RAD51B: variants seen among roughly 807,000 people sequenced by gnomAD.
RAD51B encodes RAD51 paralog B, also known as DNA repair protein RAD51 homolog 2.
RAD51B carries 38 observed loss-of-function variants against 42.2 expected under a neutral mutation model. The ratio of observed to expected loss-of-function variants is 0.90; its 90% CI spans 0.70 to 1.18. The LOEUF (loss-of-function observed/expected upper bound fraction) is 1.18, where lower values mean the gene tolerates loss of function less well. Among genes scored for constraint, RAD51B ranks in the 50% most tolerant of loss-of-function variants. The probability of loss-of-function intolerance (pLI) is 0.00; values close to 1 mark genes in which losing one functional copy is unlikely to be tolerated. For synonymous variants in RAD51B, 154 were observed against 145.2 expected (o/e 1.06, Z -0.43); for missense variants, 373 against 400.7 (o/e 0.93, Z 0.59).
chr14:68,524,185 C>T (rs1886774885), intron 10 of RAD51B, among the ~76,000 whole-genome samples: 1 of 152,152 alleles, frequency 6.6e-6, no homozygotes, highest in South Asian at 2.1e-4. Flanking sequence ...TTCCCAAGGG[C>T]ACACATGGCA....
At position 68,461,750 on chromosome 14, in the gene RAD51B, G is replaced by C. The variant is rs748887425; in HGVS notation, c.958-6422G>C. Among the ~76,000 whole-genome samples the C allele has an allele frequency of 1.7e-4, 26 of 152,216 alleles. 1 individual carries two copies. Among genetic ancestry groups the C allele is most frequent in the Admixed American group, 4.6e-4 (7 of 15,282 alleles). On this transcript the variant is annotated intron_variant, in intron 9 of 10. Coordinates refer to ENST00000471583, the MANE Select transcript of RAD51B (RefSeq NM_133510.4). ...TTTACCAGCCCTCACTTTAGGGGTA[G>C]AGATAATTAGCTGACAGCTTATTTA...
At chr14:68,523,404 T>A (rs1049913430) in intron 10 of RAD51B, among the ~76,000 whole-genome samples, 13 of 152,218 alleles carry the variant, frequency 8.5e-5, no homozygotes, top group Non-Finnish European at 1.3e-4. Flanking sequence ...CTGTTCGTGA[T>A]GTCTGGGGTG....
At chr14:68,510,027 G>C (rs890446237) in intron 10 of RAD51B, among the ~76,000 whole-genome samples, 4 of 152,144 alleles carry the variant, frequency 2.6e-5, no homozygotes, top group Admixed American at 2.6e-4. Context: ...TTGCCACTGA[G>C]TCACAGCTGC....
intron 9 of RAD51B, 42 bp from the exon 10 acceptor site, chr14:68,468,130 T>C (rs200800483): frequency 7.0e-6 from 11 of 1,565,852 alleles, no homozygotes; most frequent in Admixed American, 6.7e-5. Context: ...GGCCCATCCC[T>C]GATCCTTTGA....
intron 9 of RAD51B, among the ~76,000 whole-genome samples, chr14:68,463,140 A>G (rs1465362660): frequency 1.3e-5 from 2 of 152,206 alleles, no homozygotes; most frequent in Non-Finnish European, 2.9e-5. Context: ...GAACATCTGA[A>G]CCAGCACAGC....
chr14:67,848,263 T>C (rs959367776), intron 4 of RAD51B, among the ~76,000 whole-genome samples: 49 of 152,340 alleles, frequency 3.2e-4, no homozygotes, highest in Middle Eastern at 3.4e-3. Context: ...ATGATCTCCC[T>C]GCTTTGGCCT....
chr14:68,338,668 TGAAG>T, intron 8 of RAD51B: 1 of 283,364 alleles, frequency 3.5e-6, no homozygotes, highest in Non-Finnish European at 6.9e-6. Context: ...TTTTCTTTTT[TGAAG>T]GAAATTTTGT....
At chr14:67,839,718 AT>A (rs1297508865) in intron 4 of RAD51B, among the ~76,000 whole-genome samples, 2 of 151,190 alleles carry the variant, frequency 1.3e-5, no homozygotes, top group East Asian at 1.9e-4. Flanking sequence ...CTTTTATTTA[AT>A]TTTTTTGTGG....
chr14:68,635,816 G>A (rs1008961644), intron 10 of RAD51B, among the ~76,000 whole-genome samples: 1 of 152,146 alleles, frequency 6.6e-6, no homozygotes, highest in African/African-American at 2.4e-5. Flanking sequence ...ACTCTGATGG[G>A]CATAGTTGAG....
intron 7 of RAD51B, among the ~76,000 whole-genome samples, chr14:68,083,752 A>C (rs2076946883): frequency 6.6e-6 from 1 of 151,956 alleles, no homozygotes. Flanking sequence ...GGTTTTTGGC[A>C]TTTTTTTTGT....
intron 9 of RAD51B, among the ~76,000 whole-genome samples, chr14:68,425,251 A>G (rs555859417): frequency 8.5e-5 from 13 of 152,264 alleles, no homozygotes; most frequent in African/African-American, 3.1e-4. Flanking sequence ...ACTTTTTTTC[A>G]TATCCTAATA....
At chr14:68,621,094 A>G (rs1158721183) in intron 10 of RAD51B, among the ~76,000 whole-genome samples, 1 of 152,148 alleles carries the variant, frequency 6.6e-6, no homozygotes, top group Non-Finnish European at 1.5e-5. Flanking sequence ...GGATTCTCTC[A>G]CTTCTCACTT....
At chr14:68,152,000 T>C (rs1193094143) in intron 7 of RAD51B, among the ~76,000 whole-genome samples, 3 of 151,732 alleles carry the variant, frequency 2.0e-5, no homozygotes, top group Non-Finnish European at 4.4e-5. Flanking sequence ...TGCGCCACCA[T>C]GCCTGGCTAA....
At chr14:68,310,137 G>T (rs913579284) in intron 8 of RAD51B, among the ~76,000 whole-genome samples, 1 of 152,178 alleles carries the variant, frequency 6.6e-6, no homozygotes, top group African/African-American at 2.4e-5. Context: ...GAATCAATCA[G>T]TTGTCTGATA....
At chr14:68,047,937 T>C (rs2076329346) in intron 7 of RAD51B, among the ~76,000 whole-genome samples, 1 of 152,142 alleles carries the variant, frequency 6.6e-6, no homozygotes, top group Non-Finnish European at 1.5e-5. Context: ...TTAACCGAAA[T>C]GTTATCTAGT....
chr14:68,177,351 A>G (rs978884862), intron 7 of RAD51B, among the ~76,000 whole-genome samples: 1 of 152,184 alleles, frequency 6.6e-6, no homozygotes, highest in Non-Finnish European at 1.5e-5. Flanking sequence ...TTACACAGGT[A>G]GGCACCTAGG....
chr14:68,375,197 C>CA (rs1447974810), intron 8 of RAD51B, among the ~76,000 whole-genome samples: 1 of 152,046 alleles, frequency 6.6e-6, no homozygotes, highest in Admixed American at 6.6e-5. Context: ...GTGAGGATGT[C>CA]CTTTAATCTC....
chr14:68,376,060 C>G (rs1443957013), intron 8 of RAD51B, among the ~76,000 whole-genome samples: 1 of 152,148 alleles, frequency 6.6e-6, no homozygotes, highest in African/African-American at 2.4e-5. Flanking sequence ...CACGCACACC[C>G]AAGGCAAAGC....
intron 8 of RAD51B, among the ~76,000 whole-genome samples, chr14:68,407,673 GTAT>G (rs1179629695): frequency 6.6e-6 from 1 of 152,196 alleles, no homozygotes. Context: ...GTAAAATAAA[GTAT>G]TATAGAAGTT....
Sources: gnomAD v4.1 joint callset for allele counts (sites outside exome capture counted in the v4.1 genomes callset) on GRCh38, gnomAD v4.1.1 for gene constraint, MANE v1.5 for transcripts, NCBI Gene and HGNC (gene_info 2026-07-23, HGNC 2026-07-21) for gene names.